Variants in OR51B5 observed in about 807,000 individuals in gnomAD.
OR51B5 encodes the protein olfactory receptor family 51 subfamily B member 5.
For synonymous variants in OR51B5, 186 were observed against 144.8 expected, an observed-to-expected ratio of 1.28 and a Z score of -2.04; for missense variants, 456 against 374.6, an observed-to-expected ratio of 1.22 and a Z score of -1.79.
In OR51B5 at chr11:5,490,154, G is replaced by C. The variant is rs1167614020; in HGVS notation, n.84+15415C>G. On this transcript the variant is annotated intron_variant and non_coding_transcript_variant, in intron 1 of 4. Coordinates refer to the OR51B5 transcript ENST00000415970. ...CCTTGAGCATGTTTGAAATGTTTCT[G>C]TGCCTCAGTTTGGCCAACTGTTAAA... Among the ~76,000 whole-genome samples the C allele has an allele frequency of 2.0e-5, 3 of 152,162 alleles. No homozygotes were observed. The East Asian group carries it at 5.8e-4, about 29-fold the overall frequency.
chr11:5,400,257 G>C (rs1849946252), intron 1 of OR51B5, among the ~76,000 whole-genome samples: 1 of 151,962 alleles, frequency 6.6e-6, no homozygotes, highest in Non-Finnish European at 1.5e-5. Context: ...AGTGTCCAAG[G>C]ATCTTGTATT....
At chr11:5,453,790 T>C (rs1208659069) in intron 1 of OR51B5, 2 of 1,614,088 alleles carry the variant, frequency 1.2e-6, no homozygotes, top group Non-Finnish European at 1.7e-6. Flanking sequence ...CTAATTCAGA[T>C]GTTTCTTATT....
intron 1 of OR51B5, chr11:5,489,674 G>T: frequency 1.9e-6 from 3 of 1,573,026 alleles, no homozygotes; most frequent in Non-Finnish European, 2.6e-6. Flanking sequence ...ATGCTGAGCA[G>T]AAGTTGGAGA....
intron 1 of OR51B5, among the ~76,000 whole-genome samples, chr11:5,418,968 G>A (rs1382729423): frequency 6.6e-6 from 1 of 151,428 alleles, no homozygotes; most frequent in Non-Finnish European, 1.5e-5. Flanking sequence ...CGGTAATAGG[G>A]CAGTTTCTGA....
chr11:5,374,099 C>A (rs1457345223), intron 1 of OR51B5, among the ~76,000 whole-genome samples: 1 of 152,004 alleles, frequency 6.6e-6, no homozygotes, highest in Non-Finnish European at 1.5e-5. Context: ...GGCAGACTGA[C>A]ACCTCACACG....
At chr11:5,378,697 A>C (rs1849565744) in intron 1 of OR51B5, among the ~76,000 whole-genome samples, 1 of 152,232 alleles carries the variant, frequency 6.6e-6, no homozygotes, top group Non-Finnish European at 1.5e-5. Flanking sequence ...TGCAACCAAA[A>C]GACACATGAA....
intron 1 of OR51B5, among the ~76,000 whole-genome samples, chr11:5,435,818 T>C (rs1025286415): frequency 4.6e-5 from 7 of 152,202 alleles, no homozygotes; most frequent in Admixed American, 4.6e-4. Context: ...TCTAACACTA[T>C]TTAGCAGAAA....
intron 1 of OR51B5, among the ~76,000 whole-genome samples, chr11:5,349,190 A>G (rs1487501737): frequency 1.3e-5 from 2 of 152,156 alleles, no homozygotes; most frequent in Non-Finnish European, 2.9e-5. Context: ...ATCATCTCAT[A>G]TACCACAAAA....
intron 1 of OR51B5, among the ~76,000 whole-genome samples, chr11:5,427,394 G>C (rs911901530): frequency 6.6e-6 from 1 of 152,224 alleles, no homozygotes; most frequent in Non-Finnish European, 1.5e-5. Flanking sequence ...CGTGAGCCAG[G>C]TTTTTCAGAG....
chr11:5,398,439 G>A (rs2647560), intron 1 of OR51B5, among the ~76,000 whole-genome samples: 19,549 of 151,950 alleles, frequency 0.13, 1,335 homozygotes, highest in African/African-American at 0.18. Flanking sequence ...CAAAAAATGG[G>A]CAGCATTCCA....
chr11:5,341,932 G>C (rs1344847615), downstream of OR51B5, among the ~76,000 whole-genome samples: 1 of 152,088 alleles, frequency 6.6e-6, no homozygotes, highest in Non-Finnish European at 1.5e-5. Flanking sequence ...ACATTTTTTT[G>C]TTACAAGTTT....
At chr11:5,449,631 C>G (rs1472031710) in intron 1 of OR51B5, among the ~76,000 whole-genome samples, 1 of 152,128 alleles carries the variant, frequency 6.6e-6, no homozygotes, top group Non-Finnish European at 1.5e-5. Flanking sequence ...CTCTGTGACT[C>G]CAAGTTTCAA....
intron 1 of OR51B5, among the ~76,000 whole-genome samples, chr11:5,399,028 C>T (rs1228863792): frequency 1.3e-5 from 2 of 152,164 alleles, no homozygotes; most frequent in Non-Finnish European, 2.9e-5. Flanking sequence ...TTTCCTAAGA[C>T]AGTAGTCACC....
chr11:5,376,963 G>C (rs1455165128), intron 1 of OR51B5, among the ~76,000 whole-genome samples: 3 of 151,974 alleles, frequency 2.0e-5, no homozygotes, highest in African/African-American at 7.3e-5. Flanking sequence ...CATTTTATGA[G>C]GCCAGCATCA....
intron 1 of OR51B5, among the ~76,000 whole-genome samples, chr11:5,428,882 G>T (rs7934225): frequency 1.3e-5 from 2 of 152,032 alleles, no homozygotes; most frequent in Admixed American, 6.6e-5. Flanking sequence ...ATAAGAGAGG[G>T]GCCTGAATTC....
intron 1 of OR51B5, among the ~76,000 whole-genome samples, chr11:5,494,781 G>T (rs1851625024): frequency 6.6e-6 from 1 of 152,148 alleles, no homozygotes; most frequent in Admixed American, 6.6e-5. Context: ...AGGCCAAAAT[G>T]CTTGGCACAG....
intron 1 of OR51B5, among the ~76,000 whole-genome samples, chr11:5,421,202 T>C (rs182090121): frequency 5.8e-4 from 88 of 152,324 alleles, no homozygotes; most frequent in African/African-American, 2.1e-3. Flanking sequence ...GGTCCCAAGA[T>C]GCGATGCCTC....
intron 1 of OR51B5, among the ~76,000 whole-genome samples, chr11:5,404,422 G>T (rs943230856): frequency 6.6e-6 from 1 of 152,124 alleles, no homozygotes; most frequent in Admixed American, 6.5e-5. Flanking sequence ...GCACCAACTA[G>T]TGCTCTGTGT....
chr11:5,404,899 G>T (rs565141966), intron 1 of OR51B5, among the ~76,000 whole-genome samples: 1 of 152,296 alleles, frequency 6.6e-6, no homozygotes, highest in East Asian at 1.9e-4. Context: ...CCAGAAGGAA[G>T]AAACTCTAGA....
Sources: allele counts gnomAD v4.1 joint callset (sites outside exome capture counted in the v4.1 genomes callset), GRCh38; gene constraint gnomAD v4.1.1; transcripts MANE v1.5; gene names NCBI Gene and HGNC (gene_info 2026-07-23, HGNC 2026-07-21).